SMARCA4: variants seen among roughly 807,000 people sequenced by gnomAD.
The protein encoded by SMARCA4 is SWI/SNF-related matrix-associated actin-dependent regulator of chromatin subfamily A member 4.
In SMARCA4, 31 loss-of-function variants were observed where a neutral mutation model predicts 193.9. The observed-to-expected ratio is 0.16, with a 90% CI of 0.12 to 0.22. SMARCA4 has a LOEUF of 0.22. Ranked by LOEUF, SMARCA4 falls within the 10% of genes least tolerant of loss-of-function variation. The pLI is 1.00. For synonymous variants in SMARCA4, 942 were observed against 933.1 expected, an observed-to-expected ratio of 1.01 and a Z score of -0.17; for missense variants, 1,148 against 2,296.0, an observed-to-expected ratio of 0.50 and a Z score of 10.22.
rs199723473 is a variant in SMARCA4, at chr19:11,059,875, C to T, written c.4758C>T (p.Ser1586=). 3.8e-5 allele frequency: 62 copies of T among 1,613,888 alleles called. No individual in the cohort carries two copies. Among genetic ancestry groups the T allele is most frequent in the Middle Eastern group, 3.3e-4 (2 of 6,062 alleles). Residue 1586 remains serine, a synonymous_variant, in exon 33 of 35, where the codon TCC becomes TCT. Coordinates refer to ENST00000344626, the MANE Select transcript of SMARCA4 (RefSeq NM_003072.5). Reference sequence around the variant, plus strand: ...AGGAAGAGGGCGAGGAGGAAGGCTCCGAATCCGAATGTGAGTCCCGGGGGG... The same window carrying T: ...AGGAAGAGGGCGAGGAGGAAGGCTCTGAATCCGAATGTGAGTCCCGGGGGG... ...EEEEEGEEEG[S]ESESRSVKVK...
At position 11,034,025 on chromosome 19, in the gene SMARCA4, A is replaced by G; in HGVS notation, c.3874-98A>G. 2.2e-6 allele frequency: 2 copies of G among 912,042 alleles called. No homozygotes were observed. Among genetic ancestry groups the G allele is most frequent in the Non-Finnish European group, 3.7e-6 (2 of 544,724 alleles). 56.5% of individuals were successfully genotyped at this position (912,042 alleles called of 1,614,324 possible). The stretch of plus-strand genomic sequence containing the variant: ...CATCCACCGCAGCCGTGCCGGGACC[A>G]CCAGCTCATTCCCACGGACGCCGCC... On this transcript the variant is annotated intron_variant, in intron 27 of 34. Coordinates refer to ENST00000344626, the MANE Select transcript of SMARCA4 (RefSeq NM_003072.5). This position sits in a 1 kb window ranked among gnomAD's most constrained non-coding sequence, Gnocchi z 7.0.
chr19:10,981,285 A>G (rs1222950269), intron 1 of SMARCA4, among the ~76,000 whole-genome samples: 2 of 152,160 alleles, frequency 1.3e-5, no homozygotes, highest in East Asian at 1.9e-4. Flanking sequence ...TGGGCTTCCC[A>G]CCTATGGAGG....
At chr19:10,973,671 A>G (rs1448450120) in intron 1 of SMARCA4, among the ~76,000 whole-genome samples, 1 of 149,006 alleles carries the variant, frequency 6.7e-6, no homozygotes, top group Non-Finnish European at 1.5e-5. Context: ...CCGGGTTCAC[A>G]CCATTCTCCT....
rs1600279182 is a variant in SMARCA4 at position 11,021,896 on chromosome 19, C to T, written c.2788C>T (p.Pro930Ser). The change falls in exon 19 of 35, where the codon CCC becomes TCC. Residue 930 changes from proline to serine, a missense_variant. Pro to Ser is a moderately conservative substitution (Grantham distance 74, BLOSUM62 -1). Around this residue, in one of 17 missense-constraint regions of SMARCA4, gnomAD observed 74 missense variants for 392.3 expected, o/e 0.19. Transcript: ENST00000344626. ...CTGGGCGCTGCTCAACTTCCTGCTG[C>T]CCACCATCTTCAAGAGCTGCAGCAC... Reference protein sequence around the residue: ...ELWALLNFLLPTIFKSCSTFE... With the variant: ...ELWALLNFLLSTIFKSCSTFE... 1 of 1,613,822 alleles carries T rather than the reference C, an allele frequency of 6.2e-7. No homozygotes were observed. The highest frequency in any genetic ancestry group is 8.5e-7 in the Non-Finnish European group (1 of 1,180,028).
chr19:11,024,043 T>C (rs539579036), intron 20 of SMARCA4, among the ~76,000 whole-genome samples: 36 of 152,296 alleles, frequency 2.4e-4, no homozygotes, highest in African/African-American at 7.7e-4. Context: ...CGGCTGCAGT[T>C]GTCCCTCTTG....
intron 11 of SMARCA4, among the ~76,000 whole-genome samples, chr19:11,000,859 CAAAAA>C (rs539982586): frequency 1.2e-5 from 1 of 82,012 alleles, no homozygotes; most frequent in African/African-American, 4.8e-5. Flanking sequence ...GACTCTGTCT[CAAAAA>C]AAAAAAAAAA....
chr19:11,002,067 G>A (rs973571435), intron 11 of SMARCA4, among the ~76,000 whole-genome samples: 14 of 152,120 alleles, frequency 9.2e-5, no homozygotes, highest in African/African-American at 3.1e-4. Context: ...GGGAGAAAGT[G>A]GAAACGTCTA....
chr19:11,049,077 G>A (rs1232037490), intron 30 of SMARCA4, among the ~76,000 whole-genome samples: 1 of 152,134 alleles, frequency 6.6e-6, no homozygotes, highest in Non-Finnish European at 1.5e-5. Context: ...GCTGTCCAGG[G>A]GCTTGTGGTG....
rs1600208852 is a variant in SMARCA4 at position 11,012,960 on chromosome 19, G to A, written c.2286G>A (p.Leu762=). 1.2e-6 allele frequency: 2 copies of A among 1,614,008 alleles called. No homozygotes were observed. The highest frequency in any genetic ancestry group is 3.3e-5 in the Admixed American group (2 of 59,996). ...ATCTGTCCTTGCAGATCAAAGGTTT[G>A]GAGTGGCTGGTGTCCCTGTACAACA... ...GVLKQYQIKG[L]EWLVSLYNNN... is the part of the protein sequence containing the mutation. Residue 762 remains leucine (L), a synonymous_variant, in exon 16 of 35, where the codon TTG becomes TTA. Transcript: ENST00000344626.
chr19:11,010,654 C>G (rs542342638), intron 15 of SMARCA4, 123 bp downstream of exon 15: 2 of 909,212 alleles, frequency 2.2e-6, no homozygotes, highest in South Asian at 2.7e-5. Context: ...GGGCAATGCA[C>G]TCTTCCCCTC....
Position 11,060,128 on chromosome 19 carries a change from C to A in SMARCA4, c.4852C>A (p.Arg1618=), listed in dbSNP as rs1306144699. ...GAAGGGCGGCCGGCGGCGGCCGAGCCGAGGGTCCCGAGCCAAGCCGGTCGT... is the reference window on the plus strand; with the variant it reads ...GAAGGGCGGCCGGCGGCGGCCGAGCAGAGGGTCCCGAGCCAAGCCGGTCGT... ...RLKGGRRRPS[R]GSRAKPVVSD... The change falls in exon 34 of 35, where the codon CGA becomes AGA. Residue 1618 remains arginine (R), a synonymous_variant. Coordinates refer to ENST00000344626, the MANE Select transcript of SMARCA4 (RefSeq NM_003072.5). 6.4e-7 allele frequency: 1 copy of A among 1,550,906 alleles called. No homozygotes were observed. Among genetic ancestry groups the A allele is most frequent in the East Asian group, 2.4e-5 (1 of 40,910 alleles).
At chr19:10,981,730 C>G (rs938465675) in intron 1 of SMARCA4, among the ~76,000 whole-genome samples, 1 of 152,184 alleles carries the variant, frequency 6.6e-6, no homozygotes, top group Non-Finnish European at 1.5e-5. Context: ...AATTCCAGCA[C>G]TTTGGGAAGT....
At position 10,979,728 on chromosome 19, in the gene SMARCA4, A is replaced by G. The variant is rs545680568; in HGVS notation, c.-31-4393A>G. Among the ~76,000 whole-genome samples, 9 of 150,928 alleles carry G rather than the reference A, an allele frequency of 6.0e-5. No homozygotes were observed. The East Asian group carries it at 1.7e-3, about 29-fold the overall frequency. On this transcript the variant is annotated intron_variant, in intron 1 of 34. Coordinates refer to ENST00000344626, the MANE Select transcript of SMARCA4 (RefSeq NM_003072.5). ...AAGTATATATTGTATATTATATAAT[A>G]TATGTATTATAGACGTGACCCACCA...
At chr19:11,042,308 A>C (rs1380484429) in intron 30 of SMARCA4, among the ~76,000 whole-genome samples, 1 of 152,248 alleles carries the variant, frequency 6.6e-6, no homozygotes, top group Middle Eastern at 3.2e-3. Flanking sequence ...TACCATTTAA[A>C]TAAGAAGAAA....
chr19:11,015,781 C>T (rs1024302367), intron 16 of SMARCA4, among the ~76,000 whole-genome samples: 20 of 151,910 alleles, frequency 1.3e-4, no homozygotes, highest in South Asian at 6.2e-4. Context: ...CCGAGGCAGG[C>T]GGATCACCTG....
At chr19:11,014,700 G>T (rs1054735629) in intron 16 of SMARCA4, among the ~76,000 whole-genome samples, 5 of 152,180 alleles carry the variant, frequency 3.3e-5, no homozygotes, top group African/African-American at 1.2e-4. Context: ...CACCATCTCT[G>T]CTGGAACGCC....
In SMARCA4 at chr19:10,987,847, G is replaced by A. The variant is rs773687860; in HGVS notation, c.1041G>A (p.Gln347=). The A allele has an allele frequency of 2.5e-6, 4 of 1,611,882 alleles. No individual in the cohort carries two copies. The East Asian group carries it at 8.9e-5, about 36-fold the overall frequency. Residue 347 remains glutamine, a synonymous_variant, in exon 6 of 35, where the codon CAG becomes CAA. Coordinates refer to ENST00000344626, the MANE Select transcript of SMARCA4 (RefSeq NM_003072.5). The surrounding 1 kb of genome is among the most constrained non-coding windows in gnomAD (Gnocchi z 5.3). The part of the protein sequence containing the change: ...AQPAPMVPLH[Q]KQSRITPIQK... ...CCGCGCCCATGGTGCCACTGCACCA[G>A]AAGCAGAGCCGCATCACCCCCATCC... is the stretch of plus-strand genomic sequence containing the variant.
intron 15 of SMARCA4, 44 bp from the exon 16 acceptor site, chr19:11,012,905 C>T (rs765637043): frequency 1.0e-4 from 162 of 1,606,828 alleles, no homozygotes; most frequent in Non-Finnish European, 1.2e-4. Flanking sequence ...CTCTGGTGTC[C>T]GACCCGGCCT....
rs2086529449 is a variant in SMARCA4, at chr19:10,991,199, C to T, written c.1295C>T (p.Thr432Ile). 6.2e-7 allele frequency: 1 copy of T among 1,613,922 alleles called. No homozygotes were observed. Among genetic ancestry groups the T allele is most frequent in the Non-Finnish European group, 8.5e-7 (1 of 1,180,028 alleles). Residue 432 changes from threonine (T) to isoleucine (I), a missense_variant, in exon 8 of 35, where the codon ACA (threonine) becomes ATA (isoleucine). By Grantham distance (89) the Thr-to-Ile change is moderately conservative (BLOSUM62 -1). Coordinates refer to ENST00000344626, the MANE Select transcript of SMARCA4 (RefSeq NM_003072.5). ...ATGCGGAGGGACACAGCGCTGGAGA[C>T]AGCCCTCAATGCTAAGGCCTACAAG... ...VCMRRDTALE[T>I]ALNAKAYKRS...
Sources: gnomAD v4.1 joint callset for allele counts (sites outside exome capture counted in the v4.1 genomes callset) on GRCh38, gnomAD v4.1.1 for gene constraint, gnomAD v4.1.1 regional missense constraint, Gnocchi (gnomAD v3.1) non-coding constraint, MANE v1.5 for transcripts, NCBI Gene and HGNC (gene_info 2026-07-23, HGNC 2026-07-21) for gene names.